NCK2: variants seen among roughly 807,000 people sequenced by gnomAD.
NCK2 encodes the protein NCK adaptor protein 2, also known as cytoplasmic protein NCK2.
NCK2 carries 16 observed loss-of-function variants against 33.9 expected under a neutral mutation model. The ratio of observed to expected loss-of-function variants is 0.47; its 90% CI spans 0.32 to 0.72. NCK2 has a LOEUF of 0.72. Ranked by LOEUF, NCK2 falls within the 30% of genes least tolerant of loss-of-function variation. NCK2 has a pLI of 0.03. For missense variants in NCK2, 418 were observed against 537.3 expected, an observed-to-expected ratio of 0.78 and a Z score of 2.19; for synonymous variants, 273 against 239.9, an observed-to-expected ratio of 1.14 and a Z score of -1.27.
intron 1 of NCK2, among the ~76,000 whole-genome samples, chr2:105,775,389 G>T (rs1438897452): frequency 6.6e-6 from 1 of 152,166 alleles, no homozygotes; most frequent in African/African-American, 2.4e-5. Flanking sequence ...AGATTATTCA[G>T]ATTCCAGGTA....
intron 3 of NCK2, among the ~76,000 whole-genome samples, chr2:105,878,830 T>C (rs1678343350): frequency 6.6e-6 from 1 of 152,204 alleles, no homozygotes; most frequent in Non-Finnish European, 1.5e-5. Flanking sequence ...CGCTGCATGC[T>C]TGCTATGTGC....
At chr2:105,744,851 G>A (rs1689207601), upstream of NCK2, 1 of 154,854 alleles carries the variant, frequency 6.5e-6, no homozygotes, top group Non-Finnish European at 1.3e-5. Context: ...CGGGCGCTGC[G>A]CGCCGGGGGA....
At chr2:105,811,068 G>A (rs1675277976) in intron 1 of NCK2, among the ~76,000 whole-genome samples, 3 of 151,708 alleles carry the variant, frequency 2.0e-5, no homozygotes, top group South Asian at 4.2e-4. Context: ...CCAGCTACTC[G>A]GGAGGCTGAG....
chr2:105,781,283 G>T (rs1057177075), intron 1 of NCK2, among the ~76,000 whole-genome samples: 7 of 146,780 alleles, frequency 4.8e-5, no homozygotes, highest in Non-Finnish European at 1.1e-4. Flanking sequence ...CAAGGGAGCC[G>T]TGCACTTTTT....
chr2:105,790,465 C>G (rs1023321246), intron 1 of NCK2, among the ~76,000 whole-genome samples: 3 of 152,234 alleles, frequency 2.0e-5, no homozygotes, highest in African/African-American at 7.2e-5. Context: ...CCTCTGCAGG[C>G]AGCCTGGGAG....
chr2:105,837,879 C>T (rs1189537810), intron 2 of NCK2, among the ~76,000 whole-genome samples: 1 of 152,212 alleles, frequency 6.6e-6, no homozygotes, highest in Non-Finnish European at 1.5e-5. Context: ...CCTGTCCTTG[C>T]AATGACTGTG....
At chr2:105,830,005 A>G (rs1676105201) in intron 2 of NCK2, among the ~76,000 whole-genome samples, 1 of 152,220 alleles carries the variant, frequency 6.6e-6, no homozygotes, top group African/African-American at 2.4e-5. Flanking sequence ...TAATAGGTAA[A>G]GAGTGGTATT....
At chr2:105,851,287 G>C (rs1442703811) in intron 2 of NCK2, among the ~76,000 whole-genome samples, 2 of 150,722 alleles carry the variant, frequency 1.3e-5, no homozygotes, top group Admixed American at 1.3e-4. Context: ...TTTCTGAGAC[G>C]GAGTCTCGCT....
rs1391915772 is a variant in NCK2 at position 105,881,428 on chromosome 2, C to T, written c.327C>T (p.Ile109=). 5 of 1,613,358 alleles carry T rather than the reference C, an allele frequency of 3.1e-6. No homozygotes were observed. The highest frequency in any genetic ancestry group is 1.7e-5 in the Admixed American group (1 of 60,026). ...CCAATGGCAGCGGCGCCGACCGCAT[C>T]TACGACCTCAACATCCCGGCCTTCG... is the stretch of plus-strand genomic sequence containing the variant. ...YPANGSGADR[I]YDLNIPAFVK... is the part of the protein sequence containing the mutation. The change falls in exon 4 of 5, where the codon ATC becomes ATT. Residue 109 remains isoleucine, a synonymous_variant. Transcript: ENST00000233154.
At chr2:105,766,366 C>T (rs1689949160) in intron 1 of NCK2, among the ~76,000 whole-genome samples, 2 of 152,156 alleles carry the variant, frequency 1.3e-5, no homozygotes, top group African/African-American at 4.8e-5. Flanking sequence ...CTCTGTTGCC[C>T]AGGCTGGAGT....
chr2:105,812,789 A>ACCC (rs3047649), intron 1 of NCK2, among the ~76,000 whole-genome samples: 126,878 of 150,892 alleles, frequency 0.84, 53,439 homozygotes, highest in Middle Eastern at 0.88. Context: ...CTCATTACTG[A>ACCC]AGCCAGGTGA....
At chr2:105,824,586 A>AATACATTGG (rs1381273984) in intron 2 of NCK2, among the ~76,000 whole-genome samples, 3 of 152,058 alleles carry the variant, frequency 2.0e-5, no homozygotes, top group Non-Finnish European at 4.4e-5. Flanking sequence ...ACGTTTTTGT[A>AATACATTGG]ATACATTGGT....
At chr2:105,831,895 A>G (rs1676204285) in intron 2 of NCK2, among the ~76,000 whole-genome samples, 1 of 152,146 alleles carries the variant, frequency 6.6e-6, no homozygotes, top group Non-Finnish European at 1.5e-5. Flanking sequence ...GGTTGCATAC[A>G]AATTTTAGGA....
At chr2:105,795,091 C>A (rs1402306127) in intron 1 of NCK2, among the ~76,000 whole-genome samples, 3 of 152,164 alleles carry the variant, frequency 2.0e-5, no homozygotes, top group Non-Finnish European at 4.4e-5. Context: ...ATCCAGTTCC[C>A]CCACATGAAC....
chr2:105,881,877 C>T lies in NCK2; in HGVS notation c.776C>T (p.Pro259Leu), dbSNP rs137868721. 501 of 1,567,678 alleles carry T rather than the reference C, an allele frequency of 3.2e-4. 5 individuals carry two copies. The East Asian group carries it at 0.011, about 35-fold the overall frequency. Reference sequence around the variant, plus strand: ...TACGTGGTGGTCCTCAGTGACGGGCCTGCCCTGCACCCTGCGCACGCCCCA... The same window carrying T: ...TACGTGGTGGTCCTCAGTGACGGGCTTGCCCTGCACCCTGCGCACGCCCCA... ...KNYVVVLSDG[P>L]ALHPAHAPQI... is the part of the protein sequence containing the mutation. Residue 259 changes from proline (P) to leucine (L), a missense_variant, in exon 4 of 5, where the codon CCT (proline) becomes CTT (leucine). Pro to Leu is a moderately conservative substitution (Grantham distance 98). Transcript: ENST00000233154.
chr2:105,850,479 G>C (rs116611022), intron 2 of NCK2, among the ~76,000 whole-genome samples: 2,423 of 152,278 alleles, frequency 0.016, 35 homozygotes, highest in Non-Finnish European at 0.02. Flanking sequence ...TGTTTTTCCA[G>C]CATAACTTGG....
At chr2:105,794,087 C>T (rs184850698) in intron 1 of NCK2, among the ~76,000 whole-genome samples, 193 of 131,470 alleles carry the variant, frequency 1.5e-3, no homozygotes, top group South Asian at 3.6e-3. Flanking sequence ...CTTGCTCTGT[C>T]GCCCAGGCTG....
intron 1 of NCK2, among the ~76,000 whole-genome samples, chr2:105,763,257 A>C (rs1689825095): frequency 6.6e-6 from 1 of 152,166 alleles, no homozygotes; most frequent in South Asian, 2.1e-4. Flanking sequence ...CCATTCTGCC[A>C]AGGGGAGAGC....
At chr2:105,823,432 G>A (rs115915230) in intron 2 of NCK2, among the ~76,000 whole-genome samples, 2,030 of 151,992 alleles carry the variant, frequency 0.013, 80 homozygotes, top group African/African-American at 0.046. Context: ...AGCATTTTGA[G>A]TTTGAGATTT....
Sources: allele counts gnomAD v4.1 joint callset (sites outside exome capture counted in the v4.1 genomes callset), GRCh38; gene constraint gnomAD v4.1.1; transcripts MANE v1.5; gene names NCBI Gene and HGNC (gene_info 2026-07-23, HGNC 2026-07-21).